The following CEMIP variants were observed in gnomAD, a reference collection of about 807,000 sequenced individuals.
CEMIP encodes cell migration-inducing and hyaluronan-binding protein.
CEMIP carries 105 observed loss-of-function variants against 156.9 expected under a neutral mutation model. That is an observed-to-expected ratio of 0.67 (90% CI 0.57 to 0.79). The LOEUF is 0.79. Among genes scored for constraint, CEMIP ranks in the 30% least tolerant of loss-of-function variants. The pLI, the probability that CEMIP is intolerant of heterozygous loss-of-function variation, is 0.00. For missense variants in CEMIP, 1,457 were observed against 1,769.4 expected, an observed-to-expected ratio of 0.82 and a Z score of 3.17; for synonymous variants, 676 against 668.4, an observed-to-expected ratio of 1.01 and a Z score of -0.17.
intron 1 of CEMIP, among the ~76,000 whole-genome samples, chr15:80,803,717 A>C (rs1014470305): frequency 1.3e-5 from 2 of 152,152 alleles, no homozygotes; most frequent in Admixed American, 6.5e-5. Flanking sequence ...ACACATAGCT[A>C]ATCTGTGGCG....
chr15:80,904,160 G>A (rs1374804027), intron 12 of CEMIP, among the ~76,000 whole-genome samples: 1 of 152,172 alleles, frequency 6.6e-6, no homozygotes, highest in African/African-American at 2.4e-5. Context: ...TGCATATCAG[G>A]GAGTAAGAGT....
At chr15:80,888,016 T>C (rs1037152717) in intron 8 of CEMIP, among the ~76,000 whole-genome samples, 6 of 152,302 alleles carry the variant, frequency 3.9e-5, no homozygotes, top group African/African-American at 1.4e-4. Context: ...AAACCTAGAA[T>C]TGGCATAGAA....
intron 1 of CEMIP, among the ~76,000 whole-genome samples, chr15:80,817,466 T>C (rs1374409914): frequency 2.0e-5 from 3 of 151,868 alleles, no homozygotes; most frequent in Admixed American, 1.3e-4. Flanking sequence ...CCAGCCATGG[T>C]GGTGTGTGCC....
At chr15:80,878,645 C>A in intron 3 of CEMIP, 76 bp from the exon 4 acceptor site, 3 of 1,593,884 alleles carry the variant, frequency 1.9e-6, no homozygotes, top group Non-Finnish European at 2.6e-6. Context: ...TGCATGGGAG[C>A]CCCCTTTTGG....
intron 3 of CEMIP, among the ~76,000 whole-genome samples, chr15:80,874,293 C>T (rs1898398193): frequency 6.6e-6 from 1 of 152,220 alleles, no homozygotes; most frequent in South Asian, 2.1e-4. Context: ...TGAGACCCTT[C>T]TAAAGGGAAA....
At chr15:80,820,361 T>G (rs1896881562) in intron 1 of CEMIP, among the ~76,000 whole-genome samples, 1 of 152,166 alleles carries the variant, frequency 6.6e-6, no homozygotes, top group South Asian at 2.1e-4. Context: ...CTGCATAAAT[T>G]TCTGAGGACT....
intron 14 of CEMIP, chr15:80,909,626 CT>C (rs1899966631): frequency 2.1e-6 from 1 of 480,652 alleles, no homozygotes; most frequent in South Asian, 1.5e-5. Flanking sequence ...AGCATGACAG[CT>C]CTGCTAACTG....
intron 1 of CEMIP, among the ~76,000 whole-genome samples, chr15:80,836,230 G>A (rs1897267564): frequency 6.6e-6 from 1 of 152,180 alleles, no homozygotes; most frequent in Admixed American, 6.5e-5. Context: ...AGTTAAGTGT[G>A]CTGAGCTTGG....
intron 1 of CEMIP, among the ~76,000 whole-genome samples, chr15:80,828,827 T>C (rs1384060926): frequency 2.6e-5 from 4 of 152,144 alleles, no homozygotes; most frequent in African/African-American, 9.7e-5. Flanking sequence ...ACTGGAGTGG[T>C]CTTGAGTAGA....
At chr15:80,897,205 G>T (rs966803834) in intron 12 of CEMIP, 3 of 453,776 alleles carry the variant, frequency 6.6e-6, no homozygotes, top group Non-Finnish European at 1.3e-5. Flanking sequence ...TTAGAATATG[G>T]GGTTGGGAGA....
At chr15:80,901,959 G>A (rs1347261312) in intron 12 of CEMIP, among the ~76,000 whole-genome samples, 1 of 152,124 alleles carries the variant, frequency 6.6e-6, no homozygotes, top group Non-Finnish European at 1.5e-5. Flanking sequence ...GAGGAACCTG[G>A]GTTTAAGTTT....
chr15:80,783,122 A>G (rs1398803339), intron 1 of CEMIP, among the ~76,000 whole-genome samples: 1 of 152,236 alleles, frequency 6.6e-6, no homozygotes. Context: ...GAATTCAATT[A>G]TTCTCATCAG....
chr15:80,944,643 T>G (rs117523095), intron 28 of CEMIP, among the ~76,000 whole-genome samples: 4,327 of 152,310 alleles, frequency 0.028, 101 homozygotes, highest in Non-Finnish European at 0.046. Flanking sequence ...TAACCACATT[T>G]ACTCCCTCCC....
chr15:80,820,236 GC>G (rs1896878436), intron 1 of CEMIP, among the ~76,000 whole-genome samples: 1 of 152,134 alleles, frequency 6.6e-6, no homozygotes, highest in East Asian at 1.9e-4. Flanking sequence ...CCATGGTAGT[GC>G]TGCTACCCAG....
intron 1 of CEMIP, among the ~76,000 whole-genome samples, chr15:80,865,945 T>C (rs1898114227): frequency 6.6e-6 from 1 of 151,948 alleles, no homozygotes; most frequent in South Asian, 2.1e-4. Flanking sequence ...GTGGAGATCT[T>C]ACTTTCCTTT....
At chr15:80,791,743 A>AT (rs1896086937) in intron 1 of CEMIP, among the ~76,000 whole-genome samples, 1 of 151,872 alleles carries the variant, frequency 6.6e-6, no homozygotes, top group South Asian at 2.1e-4. Context: ...AGATATTATG[A>AT]TTTTTTCATA....
At chr15:80,811,236 T>C (rs1394614218) in intron 1 of CEMIP, among the ~76,000 whole-genome samples, 4 of 152,178 alleles carry the variant, frequency 2.6e-5, no homozygotes, top group Non-Finnish European at 5.9e-5. Flanking sequence ...AAAAAAGGTA[T>C]ATAAACTGGC....
In CEMIP at chr15:80,881,004, C is replaced by G. The variant is rs1567080959; in HGVS notation, c.485C>G (p.Thr162Arg). Residue 162 changes from threonine (T) to arginine (R), a missense_variant, in exon 6 of 30, where the codon ACA (threonine) becomes AGA (arginine). By Grantham distance (71) the Thr-to-Arg change is moderately conservative. Around this residue, in one of 5 missense-constraint regions of CEMIP, gnomAD observed 309 missense variants for 340.8 expected, o/e 0.91. Transcript: ENST00000394685. The part of the protein sequence containing the change: ...ELHGQKKLSW[T>R]FLNKTLHPGG... ...CATGGACAGAAAAAGCTCTCCTGGA[C>G]ATTTCTGAACAAGACCCTTCACCCA... The G allele has an allele frequency of 6.2e-7, 1 of 1,614,082 alleles. No individual in the cohort carries two copies. The highest frequency in any genetic ancestry group is 8.5e-7 in the Non-Finnish European group (1 of 1,180,034).
At chr15:80,909,872 C>T (rs1344660682) in intron 14 of CEMIP, 6 of 336,932 alleles carry the variant, frequency 1.8e-5, no homozygotes, top group Non-Finnish European at 2.9e-5. Flanking sequence ...TTTCTATCCT[C>T]TGTAAAGTTT....
Sources: gnomAD v4.1 joint callset for allele counts (sites outside exome capture counted in the v4.1 genomes callset) on GRCh38, gnomAD v4.1.1 for gene constraint, gnomAD v4.1.1 regional missense constraint, MANE v1.5 for transcripts, NCBI Gene and HGNC (gene_info 2026-07-23, HGNC 2026-07-21) for gene names.